The following FGF13 variants were observed in gnomAD, a reference collection of about 807,000 sequenced individuals.
The protein encoded by FGF13 is fibroblast growth factor 13.
In FGF13, 2 loss-of-function variants were observed where a neutral mutation model predicts 19.5. The ratio of observed to expected loss-of-function variants is 0.10; its 90% CI spans 0.04 to 0.32. The LOEUF (loss-of-function observed/expected upper bound fraction) is 0.32, where lower values mean the gene tolerates loss of function less well. Among genes scored for constraint, FGF13 ranks in the 10% least tolerant of loss-of-function variants. The pLI is 1.00. For missense variants in FGF13, 113 were observed against 192.7 expected (o/e 0.59, Z 2.45); for synonymous variants, 72 against 76.9 (o/e 0.94, Z 0.33).
chrX:138,785,517 C>T (rs1003798304), intron 3 of FGF13, among the ~76,000 whole-genome samples: 1 of 111,452 alleles, frequency 9.0e-6, no homozygotes, highest in Non-Finnish European at 1.9e-5. Context: ...TTATCAACAA[C>T]CTTCAGGTAA....
chrX:138,957,722 A>T (rs1476146353), intron 1 of FGF13, among the ~76,000 whole-genome samples: 2 of 111,687 alleles, frequency 1.8e-5, no homozygotes, highest in East Asian at 5.7e-4. Context: ...CTCCTTGAAG[A>T]GGTCCTTCAC....
chrX:139,019,457 G>T (rs1406290008), intron 1 of FGF13, among the ~76,000 whole-genome samples: 1 of 110,550 alleles, frequency 9.0e-6, no homozygotes, highest in Non-Finnish European at 1.9e-5. Flanking sequence ...TAACACTACA[G>T]AAAATAAAAC....
At chrX:138,992,047 A>G (rs1181642546) in intron 1 of FGF13, among the ~76,000 whole-genome samples, 1 of 111,477 alleles carries the variant, frequency 9.0e-6, no homozygotes, top group East Asian at 2.8e-4. Flanking sequence ...TCTAATTATA[A>G]GTGAGCTTAG....
chrX:139,069,945 T>C (rs2092371183), intron 1 of FGF13, among the ~76,000 whole-genome samples: 1 of 112,234 alleles, frequency 8.9e-6, no homozygotes, highest in Non-Finnish European at 1.9e-5. Context: ...AAACTGAAAC[T>C]GGATCCCTTC....
chrX:138,851,957 T>C (rs1466637706), intron 3 of FGF13, among the ~76,000 whole-genome samples: 2 of 110,864 alleles, frequency 1.8e-5, no homozygotes, highest in Non-Finnish European at 3.8e-5. Context: ...ATGAATGAAC[T>C]CCCATTCACA....
At chrX:138,834,195 A>AT (rs1203017586) in intron 3 of FGF13, among the ~76,000 whole-genome samples, 1 of 111,846 alleles carries the variant, frequency 8.9e-6, no homozygotes, top group Non-Finnish European at 1.9e-5. Context: ...CTTGTTTTCA[A>AT]TTTTTTGGAA....
intron 3 of FGF13, among the ~76,000 whole-genome samples, chrX:138,837,372 G>A (rs1347402773): frequency 9.0e-6 from 1 of 111,517 alleles, no homozygotes; most frequent in Non-Finnish European, 1.9e-5. Flanking sequence ...CACCATTAGG[G>A]GTAGCCAGAG....
At chrX:139,124,211 G>A (rs757941297) in intron 1 of FGF13, among the ~76,000 whole-genome samples, 2 of 112,625 alleles carry the variant, frequency 1.8e-5, no homozygotes, top group East Asian at 5.6e-4. Flanking sequence ...ATAAACTGCT[G>A]TCAGTCTTGT....
rs907742262 is a variant in FGF13, at chrX:138,763,115, G to T, written c.218-54187C>A. ...TGGGAAAAAATGTTTATGTTTATGT[G>T]TATGTATTATATCATATACACCAAG... On this transcript the variant is annotated intron_variant, in intron 3 of 6. Coordinates refer to the FGF13 transcript ENST00000436198. 3.6e-5 allele frequency among the ~76,000 whole-genome samples: 4 copies of T among 110,385 alleles called. No individual in the cohort carries two copies. In the Admixed American group the frequency reaches 3.9e-4, roughly 11 times the overall value.
At chrX:138,812,536 A>C (rs2090933810) in intron 3 of FGF13, among the ~76,000 whole-genome samples, 1 of 111,055 alleles carries the variant, frequency 9.0e-6, no homozygotes, top group Non-Finnish European at 1.9e-5. Flanking sequence ...CTATGGAAAA[A>C]GGAGAATTTA....
At chrX:139,034,910 T>G (rs1043463569) in intron 1 of FGF13, among the ~76,000 whole-genome samples, 3 of 112,094 alleles carry the variant, frequency 2.7e-5, no homozygotes, top group African/African-American at 9.7e-5. Flanking sequence ...AATGTTTTCA[T>G]AATAACAACA....
At chrX:138,804,777 C>T (rs1483447103) in intron 3 of FGF13, among the ~76,000 whole-genome samples, 4 of 112,083 alleles carry the variant, frequency 3.6e-5, no homozygotes, top group Admixed American at 9.5e-5. Flanking sequence ...TTTCTTTGTA[C>T]TATGTTGTGG....
intron 1 of FGF13, among the ~76,000 whole-genome samples, chrX:138,732,255 T>TA (rs2090237604): frequency 9.0e-6 from 1 of 111,600 alleles, no homozygotes; most frequent in African/African-American, 3.2e-5. Flanking sequence ...CCAAAAGAAA[T>TA]AAAAACATTT....
chrX:139,096,944 G>A (rs2083474374), intron 1 of FGF13, among the ~76,000 whole-genome samples: 1 of 111,606 alleles, frequency 9.0e-6, no homozygotes, highest in Non-Finnish European at 1.9e-5. Flanking sequence ...CTCTTCCAGA[G>A]AAAACAAGAC....
At chrX:139,202,668 G>A (rs2084424613) in intron 1 of FGF13, among the ~76,000 whole-genome samples, 1 of 111,533 alleles carries the variant, frequency 9.0e-6, no homozygotes, top group African/African-American at 3.3e-5. Flanking sequence ...AACTTTCCGC[G>A]GGGGAGGGCT....
chrX:139,009,906 G>C (rs2092120736), intron 1 of FGF13, among the ~76,000 whole-genome samples: 1 of 111,599 alleles, frequency 9.0e-6, no homozygotes, highest in Non-Finnish European at 1.9e-5. Flanking sequence ...CTGTCTTCAG[G>C]AGACTCACCT....
chrX:139,165,720 C>T (rs777064301), intron 1 of FGF13, among the ~76,000 whole-genome samples: 1 of 111,521 alleles, frequency 9.0e-6, no homozygotes, highest in East Asian at 2.8e-4. Context: ...CTCAATCTCC[C>T]ACTCTGGAAG....
chrX:139,005,586 C>G (rs1386562804), intron 1 of FGF13, among the ~76,000 whole-genome samples: 2 of 110,056 alleles, frequency 1.8e-5, no homozygotes, highest in Admixed American at 1.9e-4. Flanking sequence ...TAAATGAACT[C>G]AATAAGGCAC....
At chrX:138,666,465 G>T (rs1220596341) in intron 3 of FGF13, among the ~76,000 whole-genome samples, 4 of 111,674 alleles carry the variant, frequency 3.6e-5, no homozygotes, top group Non-Finnish European at 7.6e-5. Flanking sequence ...AGAAAGTGAA[G>T]TTGGGACATG....
Sources: gnomAD v4.1 joint callset for allele counts (sites outside exome capture counted in the v4.1 genomes callset) on GRCh38, gnomAD v4.1.1 for gene constraint, MANE v1.5 for transcripts, NCBI Gene and HGNC (gene_info 2026-07-23, HGNC 2026-07-21) for gene names.